The following STAT4 variants were observed in gnomAD, a reference collection of about 807,000 sequenced individuals.
STAT4 encodes the protein signal transducer and activator of transcription 4.
Under a neutral mutation model 110.5 loss-of-function variants are expected in STAT4, and 42 were observed. That is an observed-to-expected ratio of 0.38 (90% CI 0.30 to 0.49). The LOEUF (loss-of-function observed/expected upper bound fraction) is 0.49, where lower values mean the gene tolerates loss of function less well. Among genes scored for constraint, STAT4 ranks in the 20% least tolerant of loss-of-function variants. The pLI is 0.95. For missense variants in STAT4, 632 were observed against 887.9 expected, an observed-to-expected ratio of 0.71 and a Z score of 3.66; for synonymous variants, 284 against 302.2, an observed-to-expected ratio of 0.94 and a Z score of 0.63.
intron 3 of STAT4, among the ~76,000 whole-genome samples, chr2:191,101,369 T>C (rs951274927): frequency 2.0e-5 from 3 of 152,208 alleles, no homozygotes; most frequent in Non-Finnish European, 4.4e-5. Flanking sequence ...ATTATATATC[T>C]GCTTTTTCAT....
At chr2:191,084,417 C>T (rs544188562) in intron 3 of STAT4, among the ~76,000 whole-genome samples, 28 of 152,066 alleles carry the variant, frequency 1.8e-4, no homozygotes, top group South Asian at 1.2e-3. Context: ...AAATTACTTA[C>T]GTCCTAAGTT....
chr2:191,034,193 C>T (rs759078515), intron 18 of STAT4, among the ~76,000 whole-genome samples, 188 bp from the exon 19 acceptor site: 8 of 152,120 alleles, frequency 5.3e-5, no homozygotes, highest in East Asian at 1.9e-4. Flanking sequence ...GAGGCCAAGG[C>T]GGGCAGATTA....
chr2:191,040,605 AG>A (rs1371763801), intron 15 of STAT4, among the ~76,000 whole-genome samples: 1 of 152,094 alleles, frequency 6.6e-6, no homozygotes, highest in Admixed American at 6.5e-5. Flanking sequence ...TCTGTCACCC[AG>A]GCTGGAGTGC....
rs529551773 is a variant in STAT4, at chr2:191,092,369, A to G, written c.274-16044T>C. The stretch of plus-strand genomic sequence containing the variant: ...CAGTGAGCTGAGATCATGCCACTGC[A>G]CTCCAGCCTGGGTGACAGAGCAAGA... On this transcript the variant is annotated intron_variant, in intron 3 of 23. Coordinates refer to ENST00000392320, the MANE Select transcript of STAT4 (RefSeq NM_003151.4). 3.3e-5 allele frequency among the ~76,000 whole-genome samples: 5 copies of G among 152,096 alleles called. No homozygotes were observed. The South Asian group carries it at 1.0e-3, about 32-fold the overall frequency.
At position 191,091,677 on chromosome 2, in the gene STAT4, T is replaced by G. The variant is rs2125309515; in HGVS notation, c.274-15352A>C. Reference sequence around the variant, plus strand: ...TTACTGCTTGAAATCTGTCAGGGAATTTTCTAACTGCTCTGTTTAGTTTCA... The same window carrying G: ...TTACTGCTTGAAATCTGTCAGGGAAGTTTCTAACTGCTCTGTTTAGTTTCA... On this transcript the variant is annotated intron_variant, in intron 3 of 23. Coordinates refer to ENST00000392320, the MANE Select transcript of STAT4 (RefSeq NM_003151.4). The surrounding 1 kb of genome is among the most constrained non-coding windows in gnomAD (Gnocchi z 5.4). Among the ~76,000 whole-genome samples the G allele has an allele frequency of 6.6e-6, 1 of 152,322 alleles. No individual in the cohort carries two copies. The highest frequency in any genetic ancestry group is 1.9e-4 in the East Asian group (1 of 5,180).
rs1175842507 is a variant in STAT4 at position 191,090,066 on chromosome 2, A to C, written c.274-13741T>G. Among the ~76,000 whole-genome samples, 1 of 152,154 alleles carries C rather than the reference A, an allele frequency of 6.6e-6. No homozygotes were observed. Among genetic ancestry groups the C allele is most frequent in the Admixed American group, 6.5e-5 (1 of 15,274 alleles). On this transcript the variant is annotated intron_variant, in intron 3 of 23. Coordinates refer to ENST00000392320, the MANE Select transcript of STAT4 (RefSeq NM_003151.4). This position sits in a 1 kb window ranked among gnomAD's most constrained non-coding sequence, Gnocchi z 4.2. ...AAATTATGGGACTTTAGTTAATAATAATATAATATTGTAATAATATAAAAT... is the reference window on the plus strand; with the variant it reads ...AAATTATGGGACTTTAGTTAATAATCATATAATATTGTAATAATATAAAAT...
rs923267128 is a variant in STAT4, at chr2:191,077,931, C to A, written c.274-1606G>T. Among the ~76,000 whole-genome samples the A allele has an allele frequency of 6.6e-6, 1 of 151,958 alleles. No individual in the cohort carries two copies. Among genetic ancestry groups the A allele is most frequent in the Non-Finnish European group, 1.5e-5 (1 of 67,968 alleles). On this transcript the variant is annotated intron_variant, in intron 3 of 23. Transcript: ENST00000392320. This position sits in a 1 kb window ranked among gnomAD's most constrained non-coding sequence, Gnocchi z 4.1. ...TGATCCTATTTATGAAGCGGGGATACCATTTTTTCCATTTCCGTGTGTCGA... is the reference window on the plus strand; with the variant it reads ...TGATCCTATTTATGAAGCGGGGATAACATTTTTTCCATTTCCGTGTGTCGA...
chr2:191,033,814 A>G lies in STAT4; in HGVS notation c.1715+97T>C. The G allele has an allele frequency of 7.4e-7, 1 of 1,353,798 alleles. No homozygotes were observed. The highest frequency in any genetic ancestry group is 1.4e-5 in the South Asian group (1 of 70,770). The allele number at this position is 1,353,798 out of a possible 1,614,324, so 83.9% of individuals were successfully genotyped here. A position where few individuals can be genotyped will look rare whatever the true frequency, so the allele number is the denominator to read the frequency against. The stretch of plus-strand genomic sequence containing the variant: ...AATTGCAACTATTTTTTTCTGTGGT[A>G]CTAAACATGCTTAAGAGAAAAAGAA... On this transcript the variant is annotated intron_variant, in intron 19 of 23. Transcript: ENST00000392320. This position sits in a 1 kb window ranked among gnomAD's most constrained non-coding sequence, Gnocchi z 6.9.
At position 191,058,828 on chromosome 2, in the gene STAT4, C is replaced by CT. The variant is rs1696775570; in HGVS notation, c.1035-60dup. On this transcript the variant is annotated intron_variant, in intron 10 of 23. Transcript: ENST00000392320. The surrounding 1 kb of genome is among the most constrained non-coding windows in gnomAD (Gnocchi z 4.3). Reference sequence around the variant, plus strand: ...TAAAAATTAAAAGTGTTTAAAAACCCTTTTTTATATTTAAACATTTAAATA... The same window carrying CT: ...TAAAAATTAAAAGTGTTTAAAAACCCTTTTTTTATATTTAAACATTTAAATA... 1.0e-5 allele frequency: 10 copies of CT among 982,956 alleles called. No homozygotes were observed. In the South Asian group the frequency reaches 1.4e-4, roughly 14 times the overall value. The allele number at this position is 982,956 out of a possible 1,614,324, so 60.9% of individuals were successfully genotyped here.
chr2:191,140,053 T>C lies in STAT4; in HGVS notation c.273+6560A>G, dbSNP rs1225141817. On this transcript the variant is annotated intron_variant, in intron 3 of 23. Coordinates refer to ENST00000392320, the MANE Select transcript of STAT4 (RefSeq NM_003151.4). The surrounding 1 kb of genome is among the most constrained non-coding windows in gnomAD (Gnocchi z 4.4). The stretch of plus-strand genomic sequence containing the variant: ...GCTGGGAAAACTGGCAAGCCACATG[T>C]AGAAGAATGAAACTGATTTCTCAGC... Among the ~76,000 whole-genome samples the C allele has an allele frequency of 6.6e-6, 1 of 152,170 alleles. No homozygotes were observed. The highest frequency in any genetic ancestry group is 1.5e-5 in the Non-Finnish European group (1 of 68,026).
Position 191,050,874 on chromosome 2 carries a change from TCAAA to T in STAT4, c.1251+3612_1251+3615del, listed in dbSNP as rs1044725339. On this transcript the variant is annotated intron_variant, in intron 14 of 23. Coordinates refer to ENST00000392320, the MANE Select transcript of STAT4 (RefSeq NM_003151.4). The surrounding 1 kb of genome is among the most constrained non-coding windows in gnomAD (Gnocchi z 4.3). ...ACAGCTCAGCTCTTCTTGGGTAATC[TCAAA>T]CAGTCACAGGGTGCTGCAAATCTAG... is the stretch of plus-strand genomic sequence containing the variant. 6.6e-6 allele frequency among the ~76,000 whole-genome samples: 1 copy of T among 152,302 alleles called. No homozygotes were observed. The highest frequency in any genetic ancestry group is 1.5e-5 in the Non-Finnish European group (1 of 68,032).
chr2:191,077,130 A>T lies in STAT4; in HGVS notation c.274-805T>A, dbSNP rs1311605759. Among the ~76,000 whole-genome samples, 2 of 152,224 alleles carry T rather than the reference A, an allele frequency of 1.3e-5. No individual in the cohort carries two copies. The highest frequency in any genetic ancestry group is 2.9e-5 in the Non-Finnish European group (2 of 68,046). On this transcript the variant is annotated intron_variant, in intron 3 of 23. Coordinates refer to ENST00000392320, the MANE Select transcript of STAT4 (RefSeq NM_003151.4). This position sits in a 1 kb window ranked among gnomAD's most constrained non-coding sequence, Gnocchi z 4.1. ...AACTATATTTTTATGACATCTAAGC[A>T]TATACATCTTTTATTACCAAGGTTA...
chr2:191,065,146 T>C lies in STAT4; in HGVS notation c.631-188A>G, dbSNP rs1696954346. Among the ~76,000 whole-genome samples the C allele has an allele frequency of 2.6e-5, 4 of 152,332 alleles. No homozygotes were observed. In the South Asian group the frequency reaches 8.3e-4, roughly 32 times the overall value. ...AAATTATTGACAATAAATGATGTCATGAGAAAAGAAGAATGGCCACAGTTT... is the reference window on the plus strand; with the variant it reads ...AAATTATTGACAATAAATGATGTCACGAGAAAAGAAGAATGGCCACAGTTT... On this transcript the variant is annotated intron_variant, in intron 7 of 23. Coordinates refer to ENST00000392320, the MANE Select transcript of STAT4 (RefSeq NM_003151.4).
At chr2:191,115,959 C>T (rs1273034002) in intron 3 of STAT4, among the ~76,000 whole-genome samples, 2 of 152,176 alleles carry the variant, frequency 1.3e-5, no homozygotes, top group Non-Finnish European at 2.9e-5. Flanking sequence ...CCAGATACAA[C>T]TATATCTATT....
rs1696488997 is a variant in STAT4 at position 191,050,446 on chromosome 2, G to A, written c.1251+4044C>T. On this transcript the variant is annotated intron_variant, in intron 14 of 23. Transcript: ENST00000392320. The surrounding 1 kb of genome is among the most constrained non-coding windows in gnomAD (Gnocchi z 4.3). ...ATAGCGTGTCTACAGATTCCTCAAG[G>A]AATGTTGTGAAATTCCAAAGCAAAT... Among the ~76,000 whole-genome samples, 2 of 152,172 alleles carry A rather than the reference G, an allele frequency of 1.3e-5. No homozygotes were observed. Among genetic ancestry groups the A allele is most frequent in the South Asian group, 4.1e-4 (2 of 4,832 alleles).
chr2:191,133,826 C>T (rs1584945), intron 3 of STAT4, among the ~76,000 whole-genome samples: 101,064 of 150,754 alleles, frequency 0.67, 34,514 homozygotes, highest in African/African-American at 0.77. Flanking sequence ...TACACAAAAT[C>T]GCATATGAAT....
chr2:191,123,150 C>A lies in STAT4; in HGVS notation c.273+23463G>T, dbSNP rs116631155. On this transcript the variant is annotated intron_variant, in intron 3 of 23. Transcript: ENST00000392320. ...GCAGTGAAAAGAAATGGCTCTCCTA[C>A]GCAATTTCTAAGTGAATCTCGACCA... Among the ~76,000 whole-genome samples, 2 of 152,290 alleles carry A rather than the reference C, an allele frequency of 1.3e-5. 1 individual carries two copies. Among genetic ancestry groups the A allele is most frequent in the South Asian group, 4.1e-4 (2 of 4,830 alleles).
chr2:191,042,420 C>T lies in STAT4; in HGVS notation c.1252-1272G>A, dbSNP rs771301611. ...ATAAATATATGGCATGTTGAAGGCG[C>T]AGATCAACCGTTTGTAATGGGAAGA... On this transcript the variant is annotated intron_variant, in intron 14 of 23. Transcript: ENST00000392320. This position sits in a 1 kb window ranked among gnomAD's most constrained non-coding sequence, Gnocchi z 4.2. 5.9e-4 allele frequency among the ~76,000 whole-genome samples: 90 copies of T among 152,134 alleles called. No individual in the cohort carries two copies. Among genetic ancestry groups the T allele is most frequent in the Admixed American group, 1.1e-3 (17 of 15,282 alleles).
At chr2:191,041,945 A>AG (rs1696211125) in intron 14 of STAT4, among the ~76,000 whole-genome samples, 2 of 152,182 alleles carry the variant, frequency 1.3e-5, no homozygotes, top group Admixed American at 1.3e-4. Context: ...GTCAGGGGTT[A>AG]GGTGCTGTGT....
Sources: gnomAD v4.1 joint callset for allele counts (sites outside exome capture counted in the v4.1 genomes callset) on GRCh38, gnomAD v4.1.1 for gene constraint, Gnocchi (gnomAD v3.1) non-coding constraint, MANE v1.5 for transcripts, NCBI Gene and HGNC (gene_info 2026-07-23, HGNC 2026-07-21) for gene names.